STAG1: variants seen among roughly 807,000 people sequenced by gnomAD.
STAG1 encodes the protein cohesin subunit SA-1.
In STAG1, 26 loss-of-function variants were observed where a neutral mutation model predicts 170.9. The ratio of observed to expected loss-of-function variants is 0.15; its 90% confidence interval spans 0.11 to 0.21. STAG1 has a LOEUF of 0.21. STAG1 is among the 10% of genes least tolerant of loss of function. The pLI, the probability that STAG1 is intolerant of heterozygous loss-of-function variation, is 1.00. For synonymous variants in STAG1, 514 were observed against 497.7 expected (o/e 1.03, Z -0.44); for missense variants, 964 against 1,509.5 (o/e 0.64, Z 5.99).
intron 6 of STAG1, among the ~76,000 whole-genome samples, chr3:136,524,496 C>A (rs1226707115): frequency 2.6e-5 from 4 of 152,168 alleles, no homozygotes; most frequent in African/African-American, 9.7e-5. Context: ...AGATTTTGGG[C>A]TGAGACAATG....
intron 16 of STAG1, among the ~76,000 whole-genome samples, chr3:136,432,702 T>TAGTAGA (rs2088344468): frequency 6.6e-6 from 1 of 152,130 alleles, no homozygotes; most frequent in Non-Finnish European, 1.5e-5. Flanking sequence ...AGACGGGGTT[T>TAGTAGA]CACTATGTTG....
At chr3:136,534,561 AC>A (rs113089614) in intron 6 of STAG1, among the ~76,000 whole-genome samples, 8 of 152,314 alleles carry the variant, frequency 5.3e-5, no homozygotes, top group East Asian at 1.9e-4. Flanking sequence ...TGAAAAAAAA[AC>A]ATAATCGCAT....
intron 16 of STAG1, among the ~76,000 whole-genome samples, chr3:136,425,835 T>C (rs1444209463): frequency 3.3e-5 from 5 of 151,386 alleles, no homozygotes; most frequent in African/African-American, 4.8e-5. Context: ...GAAATTAGTA[T>C]GAAGGGGCTT....
At chr3:136,570,871 T>G (rs1238702972) in intron 4 of STAG1, among the ~76,000 whole-genome samples, 1 of 152,090 alleles carries the variant, frequency 6.6e-6, no homozygotes, top group African/African-American at 2.4e-5. Context: ...GTCTGGGGGG[T>G]TTTGTTTTTA....
At chr3:136,702,363 C>T (rs887620093) in intron 1 of STAG1, among the ~76,000 whole-genome samples, 1 of 152,096 alleles carries the variant, frequency 6.6e-6, no homozygotes, top group Non-Finnish European at 1.5e-5. Flanking sequence ...AATAAACTTA[C>T]CAAGTTCAGT....
At chr3:136,582,911 G>C (rs549775523) in intron 4 of STAG1, among the ~76,000 whole-genome samples, 2 of 152,266 alleles carry the variant, frequency 1.3e-5, no homozygotes, top group African/African-American at 4.8e-5. Flanking sequence ...TGCCACAATA[G>C]TAAAGAAAAG....
chr3:136,396,613 C>T (rs1392471660), intron 22 of STAG1, among the ~76,000 whole-genome samples: 9 of 146,546 alleles, frequency 6.1e-5, no homozygotes, highest in East Asian at 6.0e-4. Context: ...CTGCAACCTC[C>T]GCCTCCCGAG....
At chr3:136,453,590 CA>C (rs34324239) in intron 13 of STAG1, among the ~76,000 whole-genome samples, 3,012 of 98,432 alleles carry the variant, frequency 0.031, 43 homozygotes, top group African/African-American at 0.067. Flanking sequence ...GACTATGTCT[CA>C]AAAAAAAAAA....
intron 15 of STAG1, among the ~76,000 whole-genome samples, chr3:136,441,891 T>C (rs1033546087): frequency 4.6e-5 from 7 of 152,090 alleles, no homozygotes; most frequent in Non-Finnish European, 8.8e-5. Flanking sequence ...AGTTAAAAAT[T>C]TGAATTAATA....
intron 1 of STAG1, among the ~76,000 whole-genome samples, chr3:136,676,807 T>C (rs2107881915): frequency 6.6e-6 from 1 of 152,222 alleles, no homozygotes; most frequent in East Asian, 1.9e-4. Flanking sequence ...ATTTTATTTC[T>C]TAGACTTTTT....
At chr3:136,371,555 G>T (rs190186514) in intron 23 of STAG1, among the ~76,000 whole-genome samples, 1 of 152,124 alleles carries the variant, frequency 6.6e-6, no homozygotes, top group Non-Finnish European at 1.5e-5. Context: ...AAGGGATCTG[G>T]TTTCAGCTTT....
At chr3:136,462,495 C>G (rs2089301737) in intron 13 of STAG1, among the ~76,000 whole-genome samples, 1 of 152,080 alleles carries the variant, frequency 6.6e-6, no homozygotes, top group African/African-American at 2.4e-5. Flanking sequence ...AAAGATTGAT[C>G]TCCTGGAGGG....
At chr3:136,585,394 A>T (rs1937764619) in intron 4 of STAG1, among the ~76,000 whole-genome samples, 2 of 152,154 alleles carry the variant, frequency 1.3e-5, no homozygotes, top group African/African-American at 4.8e-5. Flanking sequence ...GTGAGCCGAG[A>T]TCACGCCGCT....
intron 1 of STAG1, among the ~76,000 whole-genome samples, chr3:136,702,601 G>A (rs1456122466): frequency 1.3e-5 from 2 of 152,008 alleles, no homozygotes; most frequent in African/African-American, 4.8e-5. Flanking sequence ...GGCCAGGCTA[G>A]TCTCGAACTC....
At chr3:136,601,491 T>C (rs1938673566) in intron 4 of STAG1, among the ~76,000 whole-genome samples, 1 of 152,074 alleles carries the variant, frequency 6.6e-6, no homozygotes. Context: ...TACTGATCAT[T>C]ATCTTTCAGA....
At position 136,630,953 on chromosome 3, in the gene STAG1, A is replaced by T; in HGVS notation, c.-55T>A. 3 of 1,482,564 alleles carry T rather than the reference A, an allele frequency of 2.0e-6. No homozygotes were observed. In the South Asian group the frequency reaches 4.1e-5, roughly 20 times the overall value. The allele number at this position is 1,482,564 out of a possible 1,614,324, so 91.8% of individuals were successfully genotyped here. A position where few individuals can be genotyped will look rare whatever the true frequency, so the allele number is the denominator to read the frequency against. On this transcript the variant is annotated 5_prime_UTR_variant, in exon 2 of 34. In the 5' UTR this introduces an upstream ATG that the reference lacks. Transcript: ENST00000383202. ...AAATAATCAAGTGCTGTACAACTCA[A>T]AACTTTTAAAATAACCTCAAAGGCA...
chr3:136,414,017 C>T (rs993569986), intron 21 of STAG1, among the ~76,000 whole-genome samples: 1 of 152,134 alleles, frequency 6.6e-6, no homozygotes, highest in African/African-American at 2.4e-5. Flanking sequence ...AAATGTAATA[C>T]TTTATTGCTA....
intron 1 of STAG1, among the ~76,000 whole-genome samples, chr3:136,695,410 C>G (rs970551281): frequency 1.3e-5 from 2 of 151,054 alleles, no homozygotes; most frequent in Non-Finnish European, 2.9e-5. Flanking sequence ...GCACTCCAGC[C>G]TGGGCAACAG....
intron 13 of STAG1, among the ~76,000 whole-genome samples, chr3:136,462,593 G>T (rs2089305539): frequency 6.6e-6 from 1 of 152,160 alleles, no homozygotes; most frequent in South Asian, 2.1e-4. Context: ...AAGTTTTAGT[G>T]TTTGATACCA....
Sources: allele counts gnomAD v4.1 joint callset (sites outside exome capture counted in the v4.1 genomes callset), GRCh38; gene constraint gnomAD v4.1.1; transcripts MANE v1.5; gene names NCBI Gene and HGNC (gene_info 2026-07-23, HGNC 2026-07-21).